The following KLHL14 variants were observed in gnomAD, a reference collection of about 807,000 sequenced individuals.
KLHL14 encodes the protein kelch like family member 14.
Under a neutral mutation model 64.3 loss-of-function variants are expected in KLHL14, and 22 were observed. The ratio of observed to expected loss-of-function variants is 0.34; its 90% CI spans 0.24 to 0.49. The LOEUF (loss-of-function observed/expected upper bound fraction) is 0.49. Among genes scored for constraint, KLHL14 ranks in the 20% least tolerant of loss-of-function variants. The pLI is 0.99. For synonymous variants in KLHL14, 322 were observed against 333.4 expected, an observed-to-expected ratio of 0.97 and a Z score of 0.37; for missense variants, 661 against 789.0, an observed-to-expected ratio of 0.84 and a Z score of 1.94.
intron 4 of KLHL14, among the ~76,000 whole-genome samples, chr18:32,688,689 A>T (rs1482652672): frequency 6.6e-6 from 1 of 152,232 alleles, no homozygotes; most frequent in Non-Finnish European, 1.5e-5. Flanking sequence ...GTCAAGGGCC[A>T]GAACATAGTG....
chr18:32,728,572 T>C (rs2144517628), intron 3 of KLHL14, among the ~76,000 whole-genome samples: 1 of 152,290 alleles, frequency 6.6e-6, no homozygotes, highest in South Asian at 2.1e-4. Flanking sequence ...CATGATATTA[T>C]TTGGAAAGAG....
chr18:32,721,909 C>T (rs895688814), intron 3 of KLHL14, among the ~76,000 whole-genome samples: 1 of 152,148 alleles, frequency 6.6e-6, no homozygotes, highest in African/African-American at 2.4e-5. Flanking sequence ...TATGGTTTGG[C>T]TCAGCGTCTC....
chr18:32,739,972 C>G (rs1278620945), intron 3 of KLHL14, among the ~76,000 whole-genome samples: 1 of 152,058 alleles, frequency 6.6e-6, no homozygotes, highest in Non-Finnish European at 1.5e-5. Context: ...ATTCTATGTG[C>G]TAGATGATTT....
At chr18:32,760,335 G>GACACACACACACAC (rs1160405087) in intron 2 of KLHL14, among the ~76,000 whole-genome samples, 2 of 81,576 alleles carry the variant, frequency 2.5e-5, no homozygotes, top group East Asian at 3.1e-4. Flanking sequence ...TGTACACACA[G>GACACACACACACAC]ACATACACAC....
At chr18:32,769,061 T>C (rs1339432430) in intron 2 of KLHL14, among the ~76,000 whole-genome samples, 5 of 152,198 alleles carry the variant, frequency 3.3e-5, no homozygotes, top group Non-Finnish European at 1.5e-5. Context: ...GCATTTCCAA[T>C]AGTGACCCTA....
At chr18:32,715,492 G>A (rs1345444602) in intron 3 of KLHL14, among the ~76,000 whole-genome samples, 4 of 148,160 alleles carry the variant, frequency 2.7e-5, no homozygotes, top group Non-Finnish European at 6.0e-5. Flanking sequence ...AAATGCATGG[G>A]TATTTACCGA....
chr18:32,701,827 G>A (rs933751044), intron 3 of KLHL14, among the ~76,000 whole-genome samples: 4 of 152,158 alleles, frequency 2.6e-5, no homozygotes, highest in Non-Finnish European at 4.4e-5. Flanking sequence ...AAGCAGTGCT[G>A]TGTTGAGTGT....
intron 3 of KLHL14, among the ~76,000 whole-genome samples, chr18:32,739,201 A>G (rs1214857732): frequency 2.0e-5 from 3 of 152,124 alleles, no homozygotes; most frequent in Admixed American, 6.6e-5. Context: ...CCTCCATGAC[A>G]AACTAGTTTG....
At chr18:32,702,205 A>G (rs150231915) in intron 3 of KLHL14, among the ~76,000 whole-genome samples, 327 of 152,320 alleles carry the variant, frequency 2.1e-3, no homozygotes, top group Non-Finnish European at 3.3e-3. Flanking sequence ...GCTAGAATAC[A>G]TATTTGTGAA....
At chr18:32,678,488 A>T (rs1050809696) in intron 7 of KLHL14, among the ~76,000 whole-genome samples, 2 of 152,188 alleles carry the variant, frequency 1.3e-5, no homozygotes, top group Non-Finnish European at 2.9e-5. Flanking sequence ...ACTCACTGCA[A>T]CACCAGAGTA....
chr18:32,686,367 T>A (rs1442624923), intron 5 of KLHL14, among the ~76,000 whole-genome samples: 2 of 152,082 alleles, frequency 1.3e-5, no homozygotes, highest in Non-Finnish European at 2.9e-5. Flanking sequence ...GATGTCTAGA[T>A]ATTATTTGAA....
chr18:32,762,625 A>T (rs1190317704), intron 2 of KLHL14, among the ~76,000 whole-genome samples: 1 of 152,148 alleles, frequency 6.6e-6, no homozygotes, highest in Non-Finnish European at 1.5e-5. Context: ...TGCTATTTAC[A>T]GTAAAATGAA....
chr18:32,733,162 GA>G (rs1193183727), intron 3 of KLHL14, among the ~76,000 whole-genome samples: 1 of 152,106 alleles, frequency 6.6e-6, no homozygotes, highest in Non-Finnish European at 1.5e-5. Flanking sequence ...TTAGTGGAGA[GA>G]AAAAATTAAA....
intron 8 of KLHL14, 125 bp from the exon 9 acceptor site, chr18:32,674,922 C>A: frequency 1.7e-6 from 1 of 585,594 alleles, no homozygotes; most frequent in South Asian, 2.6e-5. Flanking sequence ...CTAAATAATT[C>A]CAAATGAAAG....
intron 3 of KLHL14, among the ~76,000 whole-genome samples, chr18:32,699,098 T>C (rs1055658363): frequency 1.3e-5 from 2 of 152,114 alleles, no homozygotes; most frequent in Non-Finnish European, 2.9e-5. Context: ...CATACAAATC[T>C]CAGTTACACA....
At chr18:32,722,952 C>A (rs1269747617) in intron 3 of KLHL14, among the ~76,000 whole-genome samples, 1 of 152,092 alleles carries the variant, frequency 6.6e-6, no homozygotes, top group Non-Finnish European at 1.5e-5. Flanking sequence ...GACACCATGT[C>A]TTTAAAAATC....
rs753098230 is a variant in KLHL14, at chr18:32,770,394, G to T, written c.198C>A (p.Pro66=). The T allele has an allele frequency of 3.8e-6, 6 of 1,597,794 alleles. No homozygotes were observed. Among genetic ancestry groups the T allele is most frequent in the Non-Finnish European group, 5.1e-6 (6 of 1,170,926 alleles). The change falls in exon 2 of 9, where the codon CCC becomes CCA. Residue 66 remains proline, a synonymous_variant. Transcript: ENST00000359358. The surrounding 1 kb of genome is among the most constrained non-coding windows in gnomAD (Gnocchi z 6.7). ...GGCCGCCGACCCCTCCCCCGAGAGG[G>T]GGGTGGCTGGAGAAGAGCGATCGGA... ...QYFRSLFSSH[P]PLGGGVGGQD...
intron 4 of KLHL14, among the ~76,000 whole-genome samples, chr18:32,687,916 A>G (rs2049887479): frequency 6.6e-6 from 1 of 152,116 alleles, no homozygotes; most frequent in Admixed American, 6.5e-5. Flanking sequence ...ATATCAAGTA[A>G]GTTCTGTGTG....
intron 1 of KLHL14, among the ~76,000 whole-genome samples, chr18:32,771,617 G>A (rs1268017337): frequency 6.6e-6 from 1 of 152,154 alleles, no homozygotes; most frequent in Non-Finnish European, 1.5e-5. Flanking sequence ...AGGACTCAGG[G>A]GGAGGAAGTG....
Sources: gnomAD v4.1 joint callset for allele counts (sites outside exome capture counted in the v4.1 genomes callset) on GRCh38, gnomAD v4.1.1 for gene constraint, Gnocchi (gnomAD v3.1) non-coding constraint, MANE v1.5 for transcripts, NCBI Gene and HGNC (gene_info 2026-07-23, HGNC 2026-07-21) for gene names.